MLIP: variants seen among roughly 807,000 people sequenced by gnomAD.
MLIP encodes the protein muscular LMNA-interacting protein.
MLIP carries 79 observed loss-of-function variants against 84.8 expected under a neutral mutation model. The ratio of observed to expected loss-of-function variants is 0.93; its 90% CI spans 0.78 to 1.12. The LOEUF is 1.12. Ranked by LOEUF, MLIP falls within the 50% of genes most tolerant of loss-of-function variation. MLIP has a pLI of 0.00. For missense variants in MLIP, 1,257 were observed against 1,160.6 expected, an observed-to-expected ratio of 1.08 and a Z score of -1.21; for synonymous variants, 504 against 463.0, an observed-to-expected ratio of 1.09 and a Z score of -1.14.
At chr6:54,105,309 G>A (rs1052292276) in intron 1 of MLIP, among the ~76,000 whole-genome samples, 2 of 152,174 alleles carry the variant, frequency 1.3e-5, no homozygotes, top group African/African-American at 4.8e-5. Flanking sequence ...TGTAAGGGCT[G>A]TGAACGCCAG....
intron 12 of MLIP, among the ~76,000 whole-genome samples, chr6:54,250,968 A>T (rs777144802): frequency 6.6e-6 from 1 of 151,996 alleles, no homozygotes; most frequent in African/African-American, 2.4e-5. Flanking sequence ...TATAATTACT[A>T]TCTGTCTCTC....
intron 12 of MLIP, among the ~76,000 whole-genome samples, chr6:54,253,740 T>C (rs547494380): frequency 1.3e-5 from 2 of 152,256 alleles, no homozygotes; most frequent in South Asian, 4.1e-4. Context: ...AGGCTTTATG[T>C]TAGTTTGGTG....
chr6:54,111,627 C>G (rs907774123), intron 1 of MLIP, 52 bp downstream of exon 1: 6 of 1,516,574 alleles, frequency 4.0e-6, no homozygotes, highest in Non-Finnish European at 5.3e-6. Context: ...AAGCAGTGTA[C>G]GGTGCTGGTG....
chr6:54,197,607 G>A (rs554555320), intron 10 of MLIP, among the ~76,000 whole-genome samples: 3 of 152,060 alleles, frequency 2.0e-5, no homozygotes, highest in Admixed American at 1.3e-4. Context: ...TGCTGGCTAT[G>A]AGAGTCATTA....
intron 1 of MLIP, among the ~76,000 whole-genome samples, chr6:54,086,288 A>C (rs1216357244): frequency 1.3e-5 from 2 of 152,086 alleles, no homozygotes; most frequent in Non-Finnish European, 2.9e-5. Flanking sequence ...ATCTAACTCC[A>C]TACTCAGCAT....
intron 10 of MLIP, among the ~76,000 whole-genome samples, chr6:54,201,527 C>T (rs1778677218): frequency 6.6e-6 from 1 of 152,146 alleles, no homozygotes; most frequent in African/African-American, 2.4e-5. Context: ...ATTTCAGTCT[C>T]CCACAGTTAC....
chr6:54,078,344 A>C (rs1275712033), intron 1 of MLIP, among the ~76,000 whole-genome samples: 2 of 152,172 alleles, frequency 1.3e-5, no homozygotes, highest in East Asian at 3.9e-4. Flanking sequence ...TAATCCCCGC[A>C]CTTTGGGAGG....
chr6:54,222,234 G>T (rs1247675566), intron 11 of MLIP, among the ~76,000 whole-genome samples: 1 of 151,896 alleles, frequency 6.6e-6, no homozygotes, highest in Non-Finnish European at 1.5e-5. Flanking sequence ...TTTAGGATCT[G>T]CCCTCTTAGC....
At chr6:54,038,395 C>T (rs192060955) in intron 1 of MLIP, among the ~76,000 whole-genome samples, 4 of 151,678 alleles carry the variant, frequency 2.6e-5, no homozygotes, top group African/African-American at 2.4e-5. Flanking sequence ...TTTACTCACT[C>T]GAGTAAATGA....
chr6:54,036,849 T>TG (rs1764474439), intron 1 of MLIP, among the ~76,000 whole-genome samples: 1 of 152,000 alleles, frequency 6.6e-6, no homozygotes, highest in Admixed American at 6.6e-5. Context: ...GGCTGTGGCA[T>TG]GGGAAATGAG....
At chr6:54,094,618 A>G (rs1248168694) in intron 1 of MLIP, among the ~76,000 whole-genome samples, 1 of 151,904 alleles carries the variant, frequency 6.6e-6, no homozygotes, top group African/African-American at 2.4e-5. Context: ...TACAAAGCTA[A>G]GAAGAAGAAA....
chr6:54,116,761 T>C (rs1036828021), intron 1 of MLIP, among the ~76,000 whole-genome samples: 1 of 152,196 alleles, frequency 6.6e-6, no homozygotes. Context: ...TGCATTACCC[T>C]GATGCCAAAA....
At chr6:54,255,421 T>C (rs1782942793) in intron 12 of MLIP, among the ~76,000 whole-genome samples, 1 of 152,194 alleles carries the variant, frequency 6.6e-6, no homozygotes, top group Non-Finnish European at 1.5e-5. Context: ...GAGTATGTAA[T>C]AAATTATTAT....
At position 54,056,496 on chromosome 6, in the gene MLIP, A is replaced by G. The variant is rs538590251; in HGVS notation, c.63+37405A>G. ...GATAGATTGCTCTATGAATTGATGC[A>G]CTAGGGAATACTTGCAGAAGTAAAC... On this transcript the variant is annotated intron_variant, in intron 1 of 12. Coordinates refer to the MLIP transcript ENST00000274897. Among the ~76,000 whole-genome samples, 165 of 152,312 alleles carry G rather than the reference A, an allele frequency of 1.1e-3. 3 individuals are homozygous for G. The highest frequency in any genetic ancestry group is 3.0e-3 in the African/African-American group (123 of 41,570).
chr6:54,128,115 T>C (rs1244390598), intron 3 of MLIP, among the ~76,000 whole-genome samples: 1 of 152,176 alleles, frequency 6.6e-6, no homozygotes, highest in East Asian at 1.9e-4. Flanking sequence ...ATTACCTCAT[T>C]GGATGAATGT....
chr6:54,248,394 T>A (rs1341028274), intron 12 of MLIP, among the ~76,000 whole-genome samples: 1 of 152,168 alleles, frequency 6.6e-6, no homozygotes, highest in Non-Finnish European at 1.5e-5. Context: ...TTTTGAGAAC[T>A]GAAATGGTGT....
intron 4 of MLIP, 67 bp downstream of exon 4, chr6:54,138,353 A>G: frequency 6.9e-7 from 1 of 1,451,306 alleles, no homozygotes; most frequent in Non-Finnish European, 9.1e-7. Context: ...TTTTTTCCCC[A>G]AGGCAGAAAT....
intron 1 of MLIP, among the ~76,000 whole-genome samples, chr6:54,052,781 A>C (rs1765446977): frequency 6.6e-6 from 1 of 152,184 alleles, no homozygotes; most frequent in Non-Finnish European, 1.5e-5. Context: ...CAAATTATAA[A>C]TATAAAATTC....
intron 12 of MLIP, among the ~76,000 whole-genome samples, chr6:54,245,053 A>G (rs538759393): frequency 2.0e-5 from 3 of 152,258 alleles, no homozygotes; most frequent in South Asian, 4.1e-4. Context: ...TATTTTATGG[A>G]CAGAGAGAAA....
Sources: allele counts gnomAD v4.1 joint callset (sites outside exome capture counted in the v4.1 genomes callset), GRCh38; gene constraint gnomAD v4.1.1; transcripts MANE v1.5; gene names NCBI Gene and HGNC (gene_info 2026-07-23, HGNC 2026-07-21).